LHFPL3: variants seen among roughly 807,000 people sequenced by gnomAD.
LHFPL3 encodes LHFPL tetraspan subfamily member 3, also known as LHFPL tetraspan subfamily member 3 protein.
Under a neutral mutation model 19.3 loss-of-function variants are expected in LHFPL3, and 5 were observed. That is an observed-to-expected ratio of 0.26 (90% CI 0.14 to 0.54). The LOEUF (loss-of-function observed/expected upper bound fraction) is 0.54. Among genes scored for constraint, LHFPL3 ranks in the 20% least tolerant of loss-of-function variants. The probability of loss-of-function intolerance (pLI) is 0.94; values close to 1 mark genes in which losing one functional copy is unlikely to be tolerated. For missense variants in LHFPL3, 249 were observed against 307.4 expected (o/e 0.81, Z 1.42); for synonymous variants, 133 against 126.2 (o/e 1.05, Z -0.36).
intron 2 of LHFPL3, among the ~76,000 whole-genome samples, chr7:104,773,761 C>T (rs1794598549): frequency 6.6e-6 from 1 of 152,106 alleles, no homozygotes; most frequent in Non-Finnish European, 1.5e-5. Context: ...TCGGGCGACA[C>T]ATCCACAAGC....
chr7:104,490,399 A>G (rs533114210), intron 1 of LHFPL3, among the ~76,000 whole-genome samples: 2 of 152,144 alleles, frequency 1.3e-5, no homozygotes, highest in Non-Finnish European at 2.9e-5. Flanking sequence ...ATAAATAATG[A>G]TCATAAATTT....
intron 1 of LHFPL3, among the ~76,000 whole-genome samples, chr7:104,364,600 AT>A (rs1383146294): frequency 6.6e-6 from 1 of 152,168 alleles, no homozygotes; most frequent in Non-Finnish European, 1.5e-5. Context: ...TCACAACTAG[AT>A]TTAGGTGTTG....
chr7:104,466,901 A>C (rs1373681853), intron 1 of LHFPL3, among the ~76,000 whole-genome samples: 1 of 152,158 alleles, frequency 6.6e-6, no homozygotes, highest in Non-Finnish European at 1.5e-5. Flanking sequence ...CATATTTCTG[A>C]CATGTTCCTT....
At chr7:104,837,830 AT>A (rs1791126880) in intron 2 of LHFPL3, among the ~76,000 whole-genome samples, 1 of 152,150 alleles carries the variant, frequency 6.6e-6, no homozygotes, top group Non-Finnish European at 1.5e-5. Context: ...TTGCTTACTT[AT>A]TTTACCATAT....
At chr7:104,330,633 T>C (rs2116341775) in intron 1 of LHFPL3, among the ~76,000 whole-genome samples, 1 of 152,292 alleles carries the variant, frequency 6.6e-6, no homozygotes, top group South Asian at 2.1e-4. Flanking sequence ...AGTGTGTATG[T>C]GAAAAGCAAG....
intron 2 of LHFPL3, among the ~76,000 whole-genome samples, chr7:104,833,052 A>AATAGATATATTATATATC (rs1554349416): frequency 1.4e-4 from 1 of 7,206 alleles, no homozygotes. Context: ...TATTATATAT[A>AATAGATATATTATATATC]TATTATATAT....
chr7:104,492,155 T>C (rs192193650), intron 1 of LHFPL3, among the ~76,000 whole-genome samples: 30 of 152,360 alleles, frequency 2.0e-4, no homozygotes, highest in African/African-American at 7.0e-4. Flanking sequence ...ATTCTCAAAC[T>C]ACAGGGTTAC....
At chr7:104,560,659 A>G (rs564702568) in intron 1 of LHFPL3, among the ~76,000 whole-genome samples, 4 of 150,952 alleles carry the variant, frequency 2.6e-5, no homozygotes, top group African/African-American at 7.4e-5. Context: ...TTTTTTGAAG[A>G]GTTTTTTGTG....
intron 2 of LHFPL3, among the ~76,000 whole-genome samples, chr7:104,753,888 AG>A (rs1361010439): frequency 2.6e-5 from 4 of 152,250 alleles, no homozygotes; most frequent in African/African-American, 9.6e-5. Flanking sequence ...ACAGGATCAT[AG>A]GCATAGATTT....
chr7:104,411,286 C>T (rs1331635725), intron 1 of LHFPL3, among the ~76,000 whole-genome samples: 1 of 152,028 alleles, frequency 6.6e-6, no homozygotes, highest in African/African-American at 2.4e-5. Flanking sequence ...AATGAGGTGA[C>T]AGATAACTAC....
intron 1 of LHFPL3, among the ~76,000 whole-genome samples, chr7:104,601,452 C>T (rs990500688): frequency 3.9e-5 from 6 of 152,028 alleles, no homozygotes; most frequent in Non-Finnish European, 5.9e-5. Flanking sequence ...TCTATAAGGT[C>T]CTTAGATCAT....
At chr7:104,816,161 C>T (rs1019141645) in intron 2 of LHFPL3, among the ~76,000 whole-genome samples, 11 of 152,208 alleles carry the variant, frequency 7.2e-5, no homozygotes, top group Non-Finnish European at 1.6e-4. Context: ...GAAAAAAATG[C>T]TGTCGTTGTT....
chr7:104,872,222 A>C (rs1791851647), intron 2 of LHFPL3, among the ~76,000 whole-genome samples: 1 of 151,836 alleles, frequency 6.6e-6, no homozygotes, highest in Non-Finnish European at 1.5e-5. Flanking sequence ...TTGTAGTTCC[A>C]GCTACTTGGG....
At chr7:104,346,830 T>C (rs1790076293) in intron 1 of LHFPL3, among the ~76,000 whole-genome samples, 1 of 151,426 alleles carries the variant, frequency 6.6e-6, no homozygotes. Context: ...ACACACTTTC[T>C]AATGTTGAGG....
intron 2 of LHFPL3, chr7:104,826,934 T>G (rs930984094): frequency 6.6e-6 from 1 of 151,948 alleles, no homozygotes; most frequent in Non-Finnish European, 1.5e-5. Flanking sequence ...GACATAATTG[T>G]TTTTTCAGAA....
chr7:104,887,930 C>A (rs2116699699), intron 2 of LHFPL3, among the ~76,000 whole-genome samples: 1 of 152,282 alleles, frequency 6.6e-6, no homozygotes, highest in East Asian at 1.9e-4. Flanking sequence ...TTATTTGTGA[C>A]AACTCTCAAC....
At chr7:104,614,653 C>CCTCTCCTCTCCTTCCTTCCTTCCT (rs1791284308) in intron 1 of LHFPL3, among the ~76,000 whole-genome samples, 1 of 51,436 alleles carries the variant, frequency 1.9e-5, no homozygotes, top group African/African-American at 6.0e-5. Context: ...CTTCTCTTCT[C>CCTCTCCTCTCCTTCCTTCCTTCCT]TCCTTCCTTC....
At chr7:104,750,575 T>A (rs1351596780) in intron 2 of LHFPL3, among the ~76,000 whole-genome samples, 9 of 152,262 alleles carry the variant, frequency 5.9e-5, no homozygotes, top group Non-Finnish European at 1.2e-4. Flanking sequence ...CTTCCCAAGA[T>A]TAGTCCTACA....
chr7:104,518,350 A>G (rs1793962674), intron 1 of LHFPL3, among the ~76,000 whole-genome samples: 1 of 152,164 alleles, frequency 6.6e-6, no homozygotes, highest in African/African-American at 2.4e-5. Context: ...AGAATAATCA[A>G]TTAAAAGTTT....
Sources: allele counts gnomAD v4.1 joint callset (sites outside exome capture counted in the v4.1 genomes callset), GRCh38; gene constraint gnomAD v4.1.1; transcripts MANE v1.5; gene names NCBI Gene and HGNC (gene_info 2026-07-23, HGNC 2026-07-21).